The following DENR variants were observed in gnomAD, a reference collection of about 807,000 sequenced individuals.
DENR encodes the protein density regulated re-initiation and release factor.
A neutral mutation model predicts 30.6 loss-of-function variants in DENR; 6 were observed. That is an observed-to-expected ratio of 0.20 (90% CI 0.11 to 0.39). DENR has a LOEUF of 0.39. Ranked by LOEUF, DENR falls within the 10% of genes least tolerant of loss-of-function variation. The pLI, the probability that DENR is intolerant of heterozygous loss-of-function variation, is 1.00. For synonymous variants in DENR, 78 were observed against 72.1 expected, an observed-to-expected ratio of 1.08 and a Z score of -0.41; for missense variants, 141 against 230.9, an observed-to-expected ratio of 0.61 and a Z score of 2.52.
chr12:122,761,525 A>G (rs539190880), intron 2 of DENR, among the ~76,000 whole-genome samples: 3 of 152,338 alleles, frequency 2.0e-5, no homozygotes, highest in East Asian at 1.9e-4. Context: ...AGAACCATCA[A>G]AAGAAATAAC....
intron 5 of DENR, among the ~76,000 whole-genome samples, chr12:122,767,237 C>T (rs1878874384): frequency 6.6e-6 from 1 of 152,188 alleles, no homozygotes. Flanking sequence ...TTTTTTTACT[C>T]CCTTCACTAG....
At position 122,765,402 on chromosome 12, in the gene DENR, C is replaced by G; in HGVS notation, c.295+15C>G. The G allele has an allele frequency of 4.5e-6, 7 of 1,542,846 alleles. No homozygotes were observed. Among genetic ancestry groups the G allele is most frequent in the Non-Finnish European group, 6.1e-6 (7 of 1,139,272 alleles). ...ACAGAAGAGAGGTAAGACCTAAATTCACATCTTGATTTGTACAGTCATACC... is the reference window on the plus strand; with the variant it reads ...ACAGAAGAGAGGTAAGACCTAAATTGACATCTTGATTTGTACAGTCATACC... On this transcript the variant is annotated intron_variant, in intron 5 of 7. Transcript: ENST00000280557.
In DENR at chr12:122,770,215, T is replaced by C. The variant is rs11059834; in HGVS notation, c.*1137T>C. ...AATAATCAGCCTTGCATAAAACTTA[T>C]GGATGAAAGTATTCATCACAATATT... On this transcript the variant is annotated 3_prime_UTR_variant, in exon 8 of 8. Transcript: ENST00000280557. 8,329 of 156,234 alleles carry C rather than the reference T, an allele frequency of 0.053. 412 individuals are homozygous for C. The highest frequency in any genetic ancestry group is 0.27 in the East Asian group (1,448 of 5,328). 9.7% of individuals were successfully genotyped at this position (156,234 alleles called of 1,614,324 possible). A position where few individuals can be genotyped will look rare whatever the true frequency, so the allele number is the denominator to read the frequency against.
intron 2 of DENR, among the ~76,000 whole-genome samples, chr12:122,755,730 A>G (rs2135507737): frequency 6.6e-6 from 1 of 152,330 alleles, no homozygotes; most frequent in East Asian, 1.9e-4. Flanking sequence ...AAAGGATAAG[A>G]TCTATTCCCT....
In DENR at chr12:122,769,492, CTT is replaced by C; in HGVS notation, c.*416_*417del. 2.1e-6 allele frequency: 2 copies of C among 972,742 alleles called. No individual in the cohort carries two copies. Among genetic ancestry groups the C allele is most frequent in the Non-Finnish European group, 2.4e-6 (2 of 823,014 alleles). The allele number at this position is 972,742 out of a possible 1,614,324, so 60.3% of individuals were successfully genotyped here. A position where few individuals can be genotyped will look rare whatever the true frequency, so the allele number is the denominator to read the frequency against. ...AAAAATTTTGGTCATTTGGTACTGACTTTCTCTCTCTCTCTCTCTCTCTTTTT... is the reference window on the plus strand; with the variant it reads ...AAAAATTTTGGTCATTTGGTACTGACTCTCTCTCTCTCTCTCTCTCTTTTT... On this transcript the variant is annotated 3_prime_UTR_variant, in exon 8 of 8. Transcript: ENST00000280557.
chr12:122,764,884 C>A (rs1001944581), intron 4 of DENR, among the ~76,000 whole-genome samples: 4 of 152,196 alleles, frequency 2.6e-5, no homozygotes, highest in Non-Finnish European at 5.9e-5. Context: ...TGAATAAGAA[C>A]CCTCAAGTCT....
intron 5 of DENR, 43 bp from the exon 6 acceptor site, chr12:122,767,445 T>C (rs1270711579): frequency 2.4e-6 from 3 of 1,250,116 alleles, no homozygotes; most frequent in Admixed American, 2.8e-5. Context: ...TATTCTCTTA[T>C]GTCAAAAACA....
rs187473309 is a variant in DENR, at chr12:122,769,471, A to G, written c.*393A>G. On this transcript the variant is annotated 3_prime_UTR_variant, in exon 8 of 8. Coordinates refer to ENST00000280557, the MANE Select transcript of DENR (RefSeq NM_003677.5). ...TGAATAGAATTTAGTCAAATAAAAA[A>G]TTTTGGTCATTTGGTACTGACTTTC... is the stretch of plus-strand genomic sequence containing the variant. The G allele has an allele frequency of 2.5e-3, 2,472 of 986,420 alleles. 7 individuals carry two copies. Among genetic ancestry groups the G allele is most frequent in the Non-Finnish European group, 2.8e-3 (2,352 of 830,798 alleles). The allele number at this position is 986,420 out of a possible 1,614,324, so 61.1% of individuals were successfully genotyped here. A position where few individuals can be genotyped will look rare whatever the true frequency, so the allele number is the denominator to read the frequency against.
At position 122,767,539 on chromosome 12, in the gene DENR, C is replaced by T. The variant is rs538994337; in HGVS notation, c.347C>T (p.Thr116Ile). 5 of 1,599,548 alleles carry T rather than the reference C, an allele frequency of 3.1e-6. No homozygotes were observed. The East Asian group carries it at 9.0e-5, about 29-fold the overall frequency. ...AAGAAGACCGTACCACAAAAGGTTACTATAGCCAAAATTCCCAGAGCAAAG... is the reference window on the plus strand; with the variant it reads ...AAGAAGACCGTACCACAAAAGGTTATTATAGCCAAAATTCCCAGAGCAAAG... ...QKKKTVPQKV[T>I]IAKIPRAKKK... Residue 116 changes from threonine to isoleucine, a missense_variant, in exon 6 of 8, where the codon ACT (threonine) becomes ATT (isoleucine). Physicochemically the swap from Thr to Ile is moderately conservative, Grantham distance 89. This residue lies in a region of DENR where 104 missense variants were observed against 138.3 expected (regional missense o/e 0.75). Transcript: ENST00000280557.
At position 122,755,510 on chromosome 12, in the gene DENR, C is replaced by T. The variant is rs188469535; in HGVS notation, c.106+1703C>T. Among the ~76,000 whole-genome samples the T allele has an allele frequency of 3.5e-3, 539 of 152,132 alleles. 3 individuals carry two copies. The Middle Eastern group carries it at 0.041, about 12-fold the overall frequency. On this transcript the variant is annotated intron_variant, in intron 2 of 7. Transcript: ENST00000280557. ...AGGAGAATCACTTGAACCCGGGAGG[C>T]AGAGGTTGCAGTGAGCCGAGATCAC...
intron 4 of DENR, among the ~76,000 whole-genome samples, chr12:122,763,899 A>C (rs1366036296): frequency 1.3e-5 from 2 of 152,220 alleles, no homozygotes; most frequent in Non-Finnish European, 2.9e-5. Flanking sequence ...AGTAATAAGC[A>C]GGAAAGGGGG....
intron 2 of DENR, 61 bp from the exon 3 acceptor site, chr12:122,762,126 C>G: frequency 1.8e-6 from 2 of 1,098,044 alleles, no homozygotes; most frequent in Non-Finnish European, 2.6e-6. Flanking sequence ...AGGATAAGCC[C>G]TGTGTATGTG....
In DENR at chr12:122,762,144, A is replaced by G. The variant is rs777975758; in HGVS notation, c.107-43A>G. The G allele has an allele frequency of 1.2e-5, 16 of 1,325,084 alleles. No individual in the cohort carries two copies. The South Asian group carries it at 2.1e-4, about 17-fold the overall frequency. 82.1% of individuals were successfully genotyped at this position (1,325,084 alleles called of 1,614,324 possible). A position where few individuals can be genotyped will look rare whatever the true frequency, so the allele number is the denominator to read the frequency against. On this transcript the variant is annotated intron_variant, in intron 2 of 7. Transcript: ENST00000280557. ...ATAAGCCCTGTGTATGTGTGTACAT[A>G]TAGGTTTAACATTTCAAATCTTTTT...
chr12:122,763,770 C>T (rs1878771265), intron 4 of DENR, among the ~76,000 whole-genome samples: 1 of 152,104 alleles, frequency 6.6e-6, no homozygotes, highest in East Asian at 1.9e-4. Context: ...TGTAAGTGTA[C>T]TATATGCTAC....
chr12:122,755,566 G>A (rs1232489205), intron 2 of DENR, among the ~76,000 whole-genome samples: 1 of 152,116 alleles, frequency 6.6e-6, no homozygotes, highest in African/African-American at 2.4e-5. Flanking sequence ...GCAACAGTGC[G>A]AGACCCCATC....
chr12:122,770,761 A>G lies in DENR; in HGVS notation c.*1683A>G, dbSNP rs1296570951. ...ACAATCTTGAATGAGTGTTTTTTAA[A>G]AATAAAGTATTAGAAAAATGTGTAG... On this transcript the variant is annotated 3_prime_UTR_variant, in exon 8 of 8. Coordinates refer to ENST00000280557, the MANE Select transcript of DENR (RefSeq NM_003677.5). The G allele has an allele frequency of 5.0e-6, 2 of 398,384 alleles. No homozygotes were observed. The highest frequency in any genetic ancestry group is 8.8e-6 in the Non-Finnish European group (2 of 226,028). 24.7% of individuals were successfully genotyped at this position (398,384 alleles called of 1,614,324 possible).
Position 122,769,271 on chromosome 12 carries a change from T to C in DENR, c.*193T>C, listed in dbSNP as rs1352562243. On this transcript the variant is annotated 3_prime_UTR_variant, in exon 8 of 8. Transcript: ENST00000280557. ...GTATATATATATACATACACATATA[T>C]GTATACATATATACACATATATGTA... 1.0e-5 allele frequency: 8 copies of C among 777,540 alleles called. No individual in the cohort carries two copies. The South Asian group carries it at 2.1e-4, about 20-fold the overall frequency. 48.2% of individuals were successfully genotyped at this position (777,540 alleles called of 1,614,324 possible).
At chr12:122,762,795 G>T in intron 3 of DENR, 50 bp from the exon 4 acceptor site, 1 of 1,222,886 alleles carries the variant, frequency 8.2e-7, no homozygotes, top group Non-Finnish European at 1.2e-6. Flanking sequence ...ACGACATATT[G>T]TTTGACTGAA....
intron 2 of DENR, among the ~76,000 whole-genome samples, chr12:122,760,197 A>G (rs1472394630): frequency 6.6e-6 from 1 of 152,240 alleles, no homozygotes; most frequent in Non-Finnish European, 1.5e-5. Flanking sequence ...CCTGTTATCC[A>G]GATGCAAGTG....
Sources: gnomAD v4.1 joint callset for allele counts (sites outside exome capture counted in the v4.1 genomes callset) on GRCh38, gnomAD v4.1.1 for gene constraint, gnomAD v4.1.1 regional missense constraint, MANE v1.5 for transcripts, NCBI Gene and HGNC (gene_info 2026-07-23, HGNC 2026-07-21) for gene names.